DUSP13B: variants seen among roughly 807,000 people sequenced by gnomAD.
DUSP13B encodes dual specificity phosphatase 13B.
chr10:75,108,243 C>A, the DUSP13B span: 3 of 1,563,704 alleles, frequency 1.9e-6, no homozygotes, highest in South Asian at 1.2e-5. Context: ...TGATGCCGGC[C>A]AAGCCATGGG....
At chr10:75,102,562 C>T in the DUSP13B span, among the ~76,000 whole-genome samples, 1 of 152,220 alleles carries the variant, frequency 6.6e-6, no homozygotes. Flanking sequence ...AATCCCGACA[C>T]TTTGGGAGGC....
chr10:75,104,385 C>T, the DUSP13B span, among the ~76,000 whole-genome samples: 3 of 152,164 alleles, frequency 2.0e-5, no homozygotes, highest in Non-Finnish European at 4.4e-5. Context: ...ACTCCTGGGG[C>T]CTCCAGTTGC....
At chr10:75,102,015 A>G in the DUSP13B span, 1 of 1,280,344 alleles carries the variant, frequency 7.8e-7, no homozygotes, top group Non-Finnish European at 1.0e-6. Flanking sequence ...CCCCTCTTCC[A>G]GCCTCCCCTG....
the DUSP13B span, chr10:75,097,765 A>G: frequency 3.1e-6 from 5 of 1,613,734 alleles, no homozygotes; most frequent in Admixed American, 6.7e-5. Context: ...TCAGTGTGGC[A>G]GCCTGACGGA....
chr10:75,099,332 A>C, the DUSP13B span: 2 of 1,232,244 alleles, frequency 1.6e-6, no homozygotes, highest in Non-Finnish European at 2.0e-6. Flanking sequence ...AGGCTCACCC[A>C]GTGGGAGGCT....
At chr10:75,098,799 A>G in the DUSP13B span, among the ~76,000 whole-genome samples, 83,600 of 152,072 alleles carry the variant, frequency 0.55, 25,400 homozygotes, top group East Asian at 0.87. Context: ...CTCGTGGGAT[A>G]TCTGTTCCTA....
the DUSP13B span, chr10:75,104,055 T>C: frequency 7.3e-7 from 1 of 1,361,588 alleles, no homozygotes; most frequent in Non-Finnish European, 9.8e-7. Flanking sequence ...AGTGCCAGGG[T>C]GGCAAAGTGG....
chr10:75,104,058 C>T, the DUSP13B span: 1 of 1,361,586 alleles, frequency 7.3e-7, no homozygotes, highest in Admixed American at 1.9e-5. Flanking sequence ...GCCAGGGTGG[C>T]AAAGTGGCAG....
At chr10:75,107,970 G>A in the DUSP13B span, 3 of 1,597,752 alleles carry the variant, frequency 1.9e-6, no homozygotes, top group African/African-American at 2.7e-5. Flanking sequence ...GATGGGATAT[G>A]GGCTTGGACC....
At chr10:75,107,592 G>A in the DUSP13B span, among the ~76,000 whole-genome samples, 2 of 151,838 alleles carry the variant, frequency 1.3e-5, no homozygotes, top group Admixed American at 6.6e-5. Context: ...TTTTTGGCGG[G>A]GGGGGATGGA....
chr10:75,100,588 C>A, the DUSP13B span, among the ~76,000 whole-genome samples: 10 of 152,182 alleles, frequency 6.6e-5, no homozygotes, highest in Non-Finnish European at 1.5e-4. Context: ...ACAGGCCCAA[C>A]GTCCAGCAGG....
the DUSP13B span, among the ~76,000 whole-genome samples, chr10:75,096,912 A>C: frequency 5.4e-3 from 820 of 151,066 alleles, 21 homozygotes; most frequent in Non-Finnish European, 2.3e-3. Context: ...TCAGGTACAC[A>C]TAACAATGTG....
At chr10:75,098,846 A>C in the DUSP13B span, among the ~76,000 whole-genome samples, 1 of 152,214 alleles carries the variant, frequency 6.6e-6, no homozygotes, top group East Asian at 1.9e-4. Flanking sequence ...AGAATGTTTT[A>C]AAAGTGATGC....
At chr10:75,103,213 CACATGTAAACTGGTG>C in the DUSP13B span, among the ~76,000 whole-genome samples, 2 of 152,234 alleles carry the variant, frequency 1.3e-5, no homozygotes, top group Admixed American at 6.5e-5. Context: ...AGCCAAAAAT[CACATGTAAACTGGTG>C]GCATTGCCAA....
the DUSP13B span, among the ~76,000 whole-genome samples, chr10:75,096,349 G>T: frequency 2.6e-5 from 4 of 152,056 alleles, no homozygotes; most frequent in African/African-American, 9.7e-5. Flanking sequence ...GACTAAGGCG[G>T]GAGGATTCAT....
chr10:75,102,394 G>T, the DUSP13B span, among the ~76,000 whole-genome samples: 3 of 152,062 alleles, frequency 2.0e-5, no homozygotes, highest in Non-Finnish European at 4.4e-5. Context: ...AGTGAGCCGA[G>T]ATCGCGCCAC....
At chr10:75,107,976 G>T in the DUSP13B span, 1 of 1,603,036 alleles carries the variant, frequency 6.2e-7, no homozygotes, top group East Asian at 2.3e-5. Flanking sequence ...ATATGGGCTT[G>T]GACCCCAAGT....
At chr10:75,103,948 G>A in the DUSP13B span, 1 of 1,324,380 alleles carries the variant, frequency 7.6e-7, no homozygotes, top group Non-Finnish European at 1.0e-6. Context: ...GGAGGAGCCA[G>A]ATGGAGTAGC....
At chr10:75,102,027 C>G in the DUSP13B span, 1 of 1,234,062 alleles carries the variant, frequency 8.1e-7, no homozygotes, top group Non-Finnish European at 1.1e-6. Flanking sequence ...CCTCCCCTGC[C>G]ACTCCCAACT....
Sources: allele counts gnomAD v4.1 joint callset (sites outside exome capture counted in the v4.1 genomes callset), GRCh38; gene constraint gnomAD v4.1.1; transcripts MANE v1.5; gene names NCBI Gene and HGNC (gene_info 2026-07-23, HGNC 2026-07-21).